The following PTPRT variants were observed in gnomAD, a reference collection of about 807,000 sequenced individuals.
The protein encoded by PTPRT is receptor-type tyrosine-protein phosphatase T.
A neutral mutation model predicts 176.8 loss-of-function variants in PTPRT; 56 were observed. That is an observed-to-expected ratio of 0.32 (90% confidence interval 0.26 to 0.40). The LOEUF (loss-of-function observed/expected upper bound fraction) is 0.40, where lower values mean the gene tolerates loss of function less well. PTPRT is among the 10% of genes least tolerant of loss of function. The pLI is 1.00. For synonymous variants in PTPRT, 783 were observed against 739.0 expected (o/e 1.06, Z -0.96); for missense variants, 1,540 against 1,908.2 (o/e 0.81, Z 3.60).
intron 4 of PTPRT, among the ~76,000 whole-genome samples, chr20:42,771,870 C>A (rs369001431): frequency 6.6e-6 from 1 of 152,152 alleles, no homozygotes; most frequent in Non-Finnish European, 1.5e-5. Flanking sequence ...GGAACCAGGA[C>A]GTGAATTTAG....
intron 6 of PTPRT, chr20:42,685,926 T>TC (rs1312978095): frequency 6.6e-6 from 1 of 152,008 alleles, no homozygotes; most frequent in Non-Finnish European, 1.5e-5. Flanking sequence ...GCAGTCAATC[T>TC]CCCCTCCTAT....
intron 16 of PTPRT, among the ~76,000 whole-genome samples, chr20:42,188,463 T>C (rs1452879833): frequency 6.6e-6 from 1 of 152,164 alleles, no homozygotes; most frequent in East Asian, 1.9e-4. Context: ...ACTTAAGTTC[T>C]CTGAGCCTCA....
intron 7 of PTPRT, among the ~76,000 whole-genome samples, chr20:42,586,906 T>C (rs2145742742): frequency 6.6e-6 from 1 of 152,308 alleles, no homozygotes; most frequent in Admixed American, 6.5e-5. Flanking sequence ...AAGCTGGTCA[T>C]GCCACCAAGT....
Position 43,114,373 on chromosome 20 carries a change from G to A in PTPRT, c.88+75273C>T, listed in dbSNP as rs11907895. Among the ~76,000 whole-genome samples the A allele has an allele frequency of 4.0e-3, 616 of 152,250 alleles. 7 individuals are homozygous for A. The highest frequency in any genetic ancestry group is 0.014 in the African/African-American group (589 of 41,540). ...TACTTAGCTGTGTGCCTTTGGGCAA[G>A]TCAATAACCTTTTTGTACCCCAGTT... On this transcript the variant is annotated intron_variant, in intron 1 of 30. Transcript: ENST00000373187.
intron 16 of PTPRT, among the ~76,000 whole-genome samples, chr20:42,184,179 G>C (rs527640929): frequency 7.9e-5 from 12 of 152,242 alleles, no homozygotes; most frequent in African/African-American, 2.9e-4. Flanking sequence ...GCAGACACAA[G>C]CTATCCCTGT....
At chr20:43,094,093 T>TTC (rs200161306) in intron 1 of PTPRT, among the ~76,000 whole-genome samples, 7,616 of 65,116 alleles carry the variant, frequency 0.12, 209 homozygotes, top group African/African-American at 0.18. Flanking sequence ...CTTTCTTTCT[T>TTC]TTTTTTTTTT....
At chr20:43,180,509 G>A (rs1397425919) in intron 1 of PTPRT, among the ~76,000 whole-genome samples, 1 of 151,310 alleles carries the variant, frequency 6.6e-6, no homozygotes, top group African/African-American at 2.4e-5. Flanking sequence ...TGTCTCCCGG[G>A]CAGGAGTGCA....
intron 7 of PTPRT, among the ~76,000 whole-genome samples, chr20:42,556,759 T>C (rs1466710056): frequency 6.6e-6 from 1 of 152,158 alleles, no homozygotes; most frequent in African/African-American, 2.4e-5. Context: ...ACGAAACACA[T>C]TGCACAATGT....
At chr20:42,797,507 C>T (rs913462152) in intron 2 of PTPRT, among the ~76,000 whole-genome samples, 1 of 152,062 alleles carries the variant, frequency 6.6e-6, no homozygotes, top group African/African-American at 2.4e-5. Context: ...ACCCCCACCC[C>T]TCCTGCCTCT....
intron 2 of PTPRT, among the ~76,000 whole-genome samples, chr20:42,838,279 A>C (rs1047792450): frequency 6.6e-6 from 1 of 152,160 alleles, no homozygotes; most frequent in Admixed American, 6.5e-5. Flanking sequence ...CAGCCTCCCA[A>C]AGTGTTGGGA....
intron 7 of PTPRT, among the ~76,000 whole-genome samples, chr20:42,647,735 G>A (rs917507503): frequency 4.6e-5 from 7 of 152,140 alleles, no homozygotes; most frequent in Admixed American, 2.6e-4. Flanking sequence ...TCAGAAACCC[G>A]CTAACAGGGA....
At chr20:43,068,463 C>T (rs1033226660) in intron 1 of PTPRT, among the ~76,000 whole-genome samples, 1 of 148,282 alleles carries the variant, frequency 6.7e-6, no homozygotes, top group East Asian at 2.0e-4. Flanking sequence ...CGAGACCGCG[C>T]CACTGCACTC....
chr20:42,139,859 C>T (rs74167760), intron 18 of PTPRT, among the ~76,000 whole-genome samples: 5 of 152,264 alleles, frequency 3.3e-5, no homozygotes, highest in Non-Finnish European at 5.9e-5. Flanking sequence ...AGCTCCACCT[C>T]CCAGTGCCCA....
intron 13 of PTPRT, 84 bp downstream of exon 13, chr20:42,282,405 G>T: frequency 7.4e-7 from 1 of 1,358,440 alleles, no homozygotes; most frequent in Non-Finnish European, 1.0e-6. Flanking sequence ...AGTTACTGTT[G>T]CCTAATCTTT....
At chr20:42,322,314 C>G (rs932812662) in intron 11 of PTPRT, among the ~76,000 whole-genome samples, 10 of 150,388 alleles carry the variant, frequency 6.6e-5, no homozygotes, top group African/African-American at 2.2e-4. Flanking sequence ...CAATCCTAAG[C>G]CAAAAGAACA....
At chr20:42,327,930 G>A (rs546397656) in intron 11 of PTPRT, among the ~76,000 whole-genome samples, 20 of 151,972 alleles carry the variant, frequency 1.3e-4, no homozygotes, top group Non-Finnish European at 2.2e-4. Context: ...CAGGTACAGC[G>A]GATAAAAATG....
chr20:42,319,981 C>T (rs929468690), intron 11 of PTPRT, among the ~76,000 whole-genome samples: 2 of 152,158 alleles, frequency 1.3e-5, no homozygotes, highest in African/African-American at 4.8e-5. Context: ...AAGACACTCA[C>T]CACACAGCAC....
At chr20:43,018,348 A>G (rs1251278602) in intron 1 of PTPRT, among the ~76,000 whole-genome samples, 2 of 152,248 alleles carry the variant, frequency 1.3e-5, no homozygotes, top group African/African-American at 4.8e-5. Context: ...GATTACACCA[A>G]ACTCAGAATA....
At chr20:42,378,541 A>G (rs1478718639) in intron 9 of PTPRT, among the ~76,000 whole-genome samples, 1 of 152,198 alleles carries the variant, frequency 6.6e-6, no homozygotes, top group African/African-American at 2.4e-5. Flanking sequence ...CTAAGTTGCC[A>G]TCTTGCACAA....
Sources: allele counts gnomAD v4.1 joint callset (sites outside exome capture counted in the v4.1 genomes callset), GRCh38; gene constraint gnomAD v4.1.1; transcripts MANE v1.5; gene names NCBI Gene and HGNC (gene_info 2026-07-23, HGNC 2026-07-21).